Variants in MUC6 observed in about 807,000 individuals in gnomAD.
MUC6 encodes mucin-6.
Under a neutral mutation model 201.5 loss-of-function variants are expected in MUC6, and 188 were observed. The ratio of observed to expected loss-of-function variants is 0.93; its 90% CI spans 0.83 to 1.05. The LOEUF (loss-of-function observed/expected upper bound fraction) is 1.05, where lower values mean the gene tolerates loss of function less well. Ranked by LOEUF, MUC6 falls within the 50% of genes least tolerant of loss-of-function variation. The pLI, the probability that MUC6 is intolerant of heterozygous loss-of-function variation, is 0.00. For synonymous variants in MUC6, 1,228 were observed against 1,389.4 expected, an observed-to-expected ratio of 0.88 and a Z score of 2.58; for missense variants, 2,706 against 3,256.9, an observed-to-expected ratio of 0.83 and a Z score of 4.12.
At position 1,027,956 on chromosome 11, in the gene MUC6, G is replaced by T. The variant is rs767126713; in HGVS notation, c.1848+9C>A. 1 of 1,568,356 alleles carries T rather than the reference G, an allele frequency of 6.4e-7. No individual in the cohort carries two copies. Among genetic ancestry groups the T allele is most frequent in the Admixed American group, 1.9e-5 (1 of 53,398 alleles). ...CTGCAGCCCTCCCAAGACGCCCTCG[G>T]GCCCTCACCTTGTAGAAGGGTGCAG... is the stretch of plus-strand genomic sequence containing the variant. On this transcript the variant is annotated intron_variant, in intron 15 of 32. Coordinates refer to ENST00000421673, the MANE Select transcript of MUC6 (RefSeq NM_005961.3).
chr11:1,032,956 C>T, intron 2 of MUC6, 57 bp downstream of exon 2: 1 of 1,508,736 alleles, frequency 6.6e-7, no homozygotes, highest in Non-Finnish European at 9.0e-7. Flanking sequence ...CCCCTCTCTC[C>T]TGCACACCGG....
In MUC6 at chr11:1,016,197, GAGA is replaced by G. The variant is rs1296850164; in HGVS notation, c.6601_6603del (p.Ser2201del). The G allele has an allele frequency of 7.4e-6, 12 of 1,613,254 alleles. No individual in the cohort carries two copies. The highest frequency in any genetic ancestry group is 1.0e-5 in the Non-Finnish European group (12 of 1,179,724). On this transcript the variant is annotated inframe_deletion, in exon 31 of 33. Coordinates refer to ENST00000421673, the MANE Select transcript of MUC6 (RefSeq NM_005961.3). ...GCCCTAATGGTAGTAGAGGCAGCTG[GAGA>G]AGAAGGAAAAAGAGGAGATGCAGAC...
intron 2 of MUC6, among the ~76,000 whole-genome samples, 196 bp from the exon 3 acceptor site, chr11:1,032,249 T>C (rs1204527810): frequency 1.3e-5 from 2 of 152,200 alleles, no homozygotes; most frequent in East Asian, 3.9e-4. Context: ...GCTGTGGGCA[T>C]GTGCACACAC....
intron 29 of MUC6, 95 bp from the exon 30 acceptor site, chr11:1,019,591 G>T: frequency 8.6e-7 from 1 of 1,166,366 alleles, no homozygotes; most frequent in African/African-American, 1.5e-5. Context: ...GGGATCCCTG[G>T]CCTGCTGTCC....
rs1435756996 is a variant in MUC6 at position 1,030,120 on chromosome 11, A to G, written c.1015+93T>C. The G allele has an allele frequency of 8.0e-6, 11 of 1,367,100 alleles. No individual in the cohort carries two copies. In the East Asian group the frequency reaches 2.9e-4, roughly 36 times the overall value. 84.7% of individuals were successfully genotyped at this position (1,367,100 alleles called of 1,614,324 possible). A position where few individuals can be genotyped will look rare whatever the true frequency, so the allele number is the denominator to read the frequency against. On this transcript the variant is annotated intron_variant, in intron 8 of 32. Coordinates refer to ENST00000421673, the MANE Select transcript of MUC6 (RefSeq NM_005961.3). ...ACTCAGGCAGCAGAATGTTGGGGTG[A>G]CCTGGGTCGGGGTGGGTGGGGTCTG...
intron 14 of MUC6, 72 bp from the exon 15 acceptor site, chr11:1,028,131 C>G (rs933041272): frequency 1.3e-6 from 2 of 1,534,716 alleles, no homozygotes; most frequent in South Asian, 1.2e-5. Flanking sequence ...AGGGACCCCC[C>G]ACCCTGGCAG....
chr11:1,016,206 GAA>G lies in MUC6; in HGVS notation c.6593_6594del (p.Phe2198SerfsTer11), dbSNP rs780853267. On this transcript the variant is annotated frameshift_variant, in exon 31 of 33. Coordinates refer to ENST00000421673, the MANE Select transcript of MUC6 (RefSeq NM_005961.3). LOFTEE classifies it high-confidence loss of function. Reference sequence around the variant, plus strand: ...GTAGTAGAGGCAGCTGGAGAAGAAGGAAAAAGAGGAGATGCAGACACTGATGC... The same window carrying G: ...GTAGTAGAGGCAGCTGGAGAAGAAGGAAAGAGGAGATGCAGACACTGATGC... ...TTASVSASPL[F>X]PSSPAASTTI... is the part of the protein sequence containing the mutation. 2 of 1,613,210 alleles carry G rather than the reference GAA, an allele frequency of 1.2e-6. No homozygotes were observed. The highest frequency in any genetic ancestry group is 2.2e-5 in the South Asian group (2 of 91,014).
At chr11:1,023,420 A>C in intron 26 of MUC6, 89 bp downstream of exon 26, 1 of 1,438,246 alleles carries the variant, frequency 7.0e-7, no homozygotes, top group Non-Finnish European at 9.4e-7. Flanking sequence ...GAATGTGTGA[A>C]TGAATGAATG....
At chr11:1,032,821 T>C (rs1401265522) in intron 2 of MUC6, among the ~76,000 whole-genome samples, 192 bp downstream of exon 2, 1 of 151,462 alleles carries the variant, frequency 6.6e-6, no homozygotes, top group Non-Finnish European at 1.5e-5. Context: ...TGTATGCGTG[T>C]GTCAGGTGTG....
chr11:1,024,912 G>A lies in MUC6; in HGVS notation c.3157C>T (p.Arg1053Trp), dbSNP rs752181111. The A allele has an allele frequency of 1.4e-5, 23 of 1,612,698 alleles. No homozygotes were observed. The highest frequency in any genetic ancestry group is 9.9e-5 in the South Asian group (9 of 91,090). ...VTDPCSLNAF[R>W]RSWAERKCSV... Reference sequence around the variant, plus strand: ...CACTTGCGCTCGGCCCAGGAGCGCCGGAAGGCATTGAGACTGCAGGGGTCT... The same window carrying A: ...CACTTGCGCTCGGCCCAGGAGCGCCAGAAGGCATTGAGACTGCAGGGGTCT... Residue 1053 changes from arginine to tryptophan, a missense_variant, in exon 24 of 33, where the codon CGG becomes TGG. Coordinates refer to ENST00000421673, the MANE Select transcript of MUC6 (RefSeq NM_005961.3).
Position 1,027,044 on chromosome 11 carries a change from C to T in MUC6, c.2291G>A (p.Cys764Tyr), listed in dbSNP as rs751493093. The T allele has an allele frequency of 2.5e-6, 4 of 1,602,162 alleles. No homozygotes were observed. Among genetic ancestry groups the T allele is most frequent in the African/African-American group, 2.7e-5 (2 of 74,660 alleles). ...GGACTTGAAGGTCTTAGGGGCCTGG[C>T]AGGAGGCTGCAGGAAAGAGGGGTGC... ...PQRPQMFLAS[C>Y]QAPKTFKSCS... Residue 764 changes from cysteine (C) to tyrosine (Y), a missense_variant, in exon 19 of 33, where the codon TGC (cysteine) becomes TAC (tyrosine). By Grantham distance (194) the Cys-to-Tyr change is radical. This residue lies in a region of MUC6 where 1,850 missense variants were observed against 1,958.3 expected (regional missense o/e 0.94). Transcript: ENST00000421673.
rs373882306 is a variant in MUC6 at position 1,026,957 on chromosome 11, G to A, written c.2378C>T (p.Ala793Val). The change falls in exon 19 of 33, where the codon GCC (alanine) becomes GTC (valine). Residue 793 changes from alanine to valine, a missense_variant. By Grantham distance (64) the Ala-to-Val change is moderately conservative (BLOSUM62 0). Coordinates refer to ENST00000421673, the MANE Select transcript of MUC6 (RefSeq NM_005961.3). Reference protein sequence around the residue: ...AACAPTCQMLATGVACVPTKC... With the variant: ...AACAPTCQMLVTGVACVPTKC... ...CCCCCTTACGCAGGCAACACCGGTG[G>A]CCAGCATCTGGCATGTGGGGGCACA... 13 of 1,591,644 alleles carry A rather than the reference G, an allele frequency of 8.2e-6. No homozygotes were observed. The African/African-American group carries it at 1.7e-4, about 21-fold the overall frequency.
In MUC6 at chr11:1,015,771, T is replaced by C; in HGVS notation, c.7030A>G (p.Thr2344Ala). Residue 2344 changes from threonine to alanine, a missense_variant, in exon 31 of 33, where the codon ACC becomes GCC. Around this residue, in one of 10 missense-constraint regions of MUC6, gnomAD observed 586 missense variants for 488.0 expected, o/e 1.20. Coordinates refer to ENST00000421673, the MANE Select transcript of MUC6 (RefSeq NM_005961.3). ...PVSSLGTPTP[T>A]SPGVCSVREQ... ...CAGAGATGCCACTTACCGGGTGAGG[T>C]GGGCGTAGGTGTCCCGAGAGAAGAT... The C allele has an allele frequency of 6.6e-7, 1 of 1,522,434 alleles. No homozygotes were observed. Among genetic ancestry groups the C allele is most frequent in the Non-Finnish European group, 8.8e-7 (1 of 1,132,478 alleles). 94.3% of individuals were successfully genotyped at this position (1,522,434 alleles called of 1,614,324 possible). A position where few individuals can be genotyped will look rare whatever the true frequency, so the allele number is the denominator to read the frequency against.
At chr11:1,022,867 G>A (rs1856848453) in intron 26 of MUC6, among the ~76,000 whole-genome samples, 1 of 152,246 alleles carries the variant, frequency 6.6e-6, no homozygotes, top group South Asian at 2.1e-4. Flanking sequence ...GAATGAATGT[G>A]CATGGGTGAA....
At chr11:1,032,955 C>A (rs1284402355) in intron 2 of MUC6, 58 bp downstream of exon 2, 6 of 1,506,124 alleles carry the variant, frequency 4.0e-6, no homozygotes, top group Non-Finnish European at 4.5e-6. Flanking sequence ...GCCCCTCTCT[C>A]CTGCACACCG....
In MUC6 at chr11:1,013,229, C is replaced by G; in HGVS notation, c.*227G>C. The G allele has an allele frequency of 1.7e-6, 1 of 573,242 alleles. No individual in the cohort carries two copies. The allele number at this position is 573,242 out of a possible 1,614,324, so 35.5% of individuals were successfully genotyped here. Reference sequence around the variant, plus strand: ...GGAGGTCCGTGACCACTGTCCGCCTCAGTCCCTCTCTGCTGGCTCAGGGTC... The same window carrying G: ...GGAGGTCCGTGACCACTGTCCGCCTGAGTCCCTCTCTGCTGGCTCAGGGTC... On this transcript the variant is annotated 3_prime_UTR_variant, in exon 33 of 33. Transcript: ENST00000421673.
In MUC6 at chr11:1,024,004, CG is replaced by C; in HGVS notation, c.3324del (p.Tyr1108Ter). ...CECLCDAVAA[Y>X]AQACLDKGVC... is the part of the protein sequence containing the mutation. The stretch of plus-strand genomic sequence containing the variant: ...ACACCCTTGTCCAGACAGGCTTGGG[CG>C]TAGGCAGCCACGGCATCGCACAGAC... On this transcript the variant is annotated frameshift_variant, in exon 25 of 33. Transcript: ENST00000421673. LOFTEE classifies it high-confidence loss of function. 1 of 1,612,108 alleles carries C rather than the reference CG, an allele frequency of 6.2e-7. No individual in the cohort carries two copies. Among genetic ancestry groups the C allele is most frequent in the Non-Finnish European group, 8.5e-7 (1 of 1,179,608 alleles).
rs375348991 is a variant in MUC6 at position 1,028,626 on chromosome 11, C to A, written c.1591+20G>T. The A allele has an allele frequency of 1.2e-6, 2 of 1,603,404 alleles. No individual in the cohort carries two copies. Among genetic ancestry groups the A allele is most frequent in the South Asian group, 1.1e-5 (1 of 89,186 alleles). Reference sequence around the variant, plus strand: ...TGTAGGGATGAGGCAACAGGGCCACCTGGAGAGGCAGGGACTCACCTCTGG... The same window carrying A: ...TGTAGGGATGAGGCAACAGGGCCACATGGAGAGGCAGGGACTCACCTCTGG... On this transcript the variant is annotated intron_variant, in intron 13 of 32. Coordinates refer to ENST00000421673, the MANE Select transcript of MUC6 (RefSeq NM_005961.3).
chr11:1,035,944 G>C (rs899905757), intron 1 of MUC6, among the ~76,000 whole-genome samples: 2 of 152,270 alleles, frequency 1.3e-5, no homozygotes, highest in South Asian at 4.1e-4. Flanking sequence ...GGCCTGGGGA[G>C]GGACTGATGG....
Sources: allele counts gnomAD v4.1 joint callset (sites outside exome capture counted in the v4.1 genomes callset), GRCh38; gene constraint gnomAD v4.1.1; regional missense constraint gnomAD v4.1.1; transcripts MANE v1.5; gene names NCBI Gene and HGNC (gene_info 2026-07-23, HGNC 2026-07-21).